DCN: variants seen among roughly 807,000 people sequenced by gnomAD.
DCN encodes bone proteoglycan II.
In DCN, 17 loss-of-function variants were observed where a neutral mutation model predicts 36.5. The observed-to-expected ratio is 0.47, with a 90% CI of 0.32 to 0.70. The LOEUF is 0.70. Ranked by LOEUF, DCN falls within the 30% of genes least tolerant of loss-of-function variation. The pLI, the probability that DCN is intolerant of heterozygous loss-of-function variation, is 0.04. For missense variants in DCN, 389 were observed against 430.1 expected, an observed-to-expected ratio of 0.90 and a Z score of 0.84; for synonymous variants, 163 against 161.4, an observed-to-expected ratio of 1.01 and a Z score of -0.07.
chr12:91,169,845 C>T (rs1236502456), intron 2 of DCN: 4 of 155,414 alleles, frequency 2.6e-5, no homozygotes, highest in African/African-American at 7.2e-5. Context: ...GGGTGGATCA[C>T]GAGATCAGGA....
Position 91,170,578 on chromosome 12 carries a change from C to T in DCN, c.212-5861G>A, listed in dbSNP as rs572210998. ...GAGTAATTAGACTCCTCAAAAACTG[C>T]TCCTGGTCAATTTAACCCTATTTTA... On this transcript the variant is annotated intron_variant, in intron 2 of 7. Transcript: ENST00000052754. Among the ~76,000 whole-genome samples, 5 of 152,274 alleles carry T rather than the reference C, an allele frequency of 3.3e-5. No homozygotes were observed. In the South Asian group the frequency reaches 1.0e-3, roughly 32 times the overall value.
chr12:91,149,515 C>G (rs1480143318), intron 7 of DCN, among the ~76,000 whole-genome samples: 1 of 152,174 alleles, frequency 6.6e-6, no homozygotes, highest in East Asian at 1.9e-4. Context: ...AATGAATGCT[C>G]CCTCCTCCTA....
intron 1 of DCN, among the ~76,000 whole-genome samples, chr12:91,178,786 G>A (rs1458833366): frequency 6.6e-6 from 1 of 152,106 alleles, no homozygotes; most frequent in African/African-American, 2.4e-5. Flanking sequence ...ATTTACTTAG[G>A]ATGAGAAATC....
intron 3 of DCN, among the ~76,000 whole-genome samples, chr12:91,162,798 A>G (rs1457550916): frequency 1.3e-5 from 2 of 152,224 alleles, no homozygotes; most frequent in Non-Finnish European, 2.9e-5. Context: ...GGATTCTGTC[A>G]TCTTGTAGTT....
rs1880756207 is a variant in DCN at position 91,141,564 on chromosome 12, A to G, written c.*4494T>C. ...TGCTTCAGAGGGCAAGGCATTATGCACTGCTGTGTCTCTGCCACTAGAACA... is the reference window on the plus strand; with the variant it reads ...TGCTTCAGAGGGCAAGGCATTATGCGCTGCTGTGTCTCTGCCACTAGAACA... On this transcript the variant is annotated 3_prime_UTR_variant, in exon 8 of 8. Coordinates refer to ENST00000052754, the MANE Select transcript of DCN (RefSeq NM_001920.5). 6.6e-6 allele frequency: 1 copy of G among 152,178 alleles called. No individual in the cohort carries two copies. Among genetic ancestry groups the G allele is most frequent in the South Asian group, 2.1e-4 (1 of 4,832 alleles). 9.4% of individuals were successfully genotyped at this position (152,178 alleles called of 1,614,324 possible).
intron 6 of DCN, among the ~76,000 whole-genome samples, chr12:91,152,607 G>A (rs557112584): frequency 6.6e-6 from 1 of 152,038 alleles, no homozygotes; most frequent in Non-Finnish European, 1.5e-5. Context: ...TACATTAAAT[G>A]CCCAGAGATA....
chr12:91,163,323 C>T (rs1318898325), intron 3 of DCN, among the ~76,000 whole-genome samples: 2 of 152,168 alleles, frequency 1.3e-5, no homozygotes, highest in Admixed American at 1.3e-4. Context: ...CATTCTTTGC[C>T]CTTTTTTGGC....
chr12:91,178,506 G>A lies in DCN; in HGVS notation c.47C>T (p.Ala16Val), dbSNP rs554860301. Residue 16 changes from alanine to valine, a missense_variant, in exon 2 of 8, where the codon GCT (alanine) becomes GTT (valine). By Grantham distance (64) the Ala-to-Val change is moderately conservative. Coordinates refer to ENST00000052754, the MANE Select transcript of DCN (RefSeq NM_001920.5). The part of the protein sequence containing the change: ...ILLLLAQVSW[A>V]GPFQQRGLFD... Reference sequence around the variant, plus strand: ...TAAGCCTCTCTGTTGAAACGGTCCAGCCCAGGAAACTTGTGCAAGCAGAAG... The same window carrying A: ...TAAGCCTCTCTGTTGAAACGGTCCAACCCAGGAAACTTGTGCAAGCAGAAG... The A allele has an allele frequency of 1.9e-6, 3 of 1,613,712 alleles. No homozygotes were observed. The South Asian group carries it at 3.3e-5, about 18-fold the overall frequency.
Position 91,178,391 on chromosome 12 carries a change from G to A in DCN, c.162C>T (p.Cys54=), listed in dbSNP as rs751949231. 6.8e-6 allele frequency: 11 copies of A among 1,613,990 alleles called. No individual in the cohort carries two copies. The highest frequency in any genetic ancestry group is 5.0e-5 in the Admixed American group (3 of 60,010). ...RDFEPSLGPV[C]PFRCQCHLRV... ...GAAGATGGCATTGACAGCGGAAGGG[G>A]CACACTGGGCCTAGGGAGGGCTCGA... The change falls in exon 2 of 8, where the codon TGC becomes TGT. Residue 54 remains cysteine, a synonymous_variant. Transcript: ENST00000052754.
intron 7 of DCN, among the ~76,000 whole-genome samples, chr12:91,149,255 C>T (rs1881250768): frequency 1.3e-5 from 2 of 152,132 alleles, no homozygotes; most frequent in Admixed American, 6.5e-5. Context: ...TAGGACCAAA[C>T]ATGATTTATC....
chr12:91,149,607 G>A (rs1387152102), intron 7 of DCN, among the ~76,000 whole-genome samples: 1 of 152,130 alleles, frequency 6.6e-6, no homozygotes, highest in Non-Finnish European at 1.5e-5. Flanking sequence ...TGCAAAGGGT[G>A]GGTTGTGGGG....
chr12:91,177,851 T>A, intron 2 of DCN: 2 of 571,588 alleles, frequency 3.5e-6, no homozygotes, highest in Non-Finnish European at 6.3e-6. Flanking sequence ...TGTCATAAAA[T>A]TTGATGTGTT....
intron 2 of DCN, among the ~76,000 whole-genome samples, chr12:91,173,984 G>T (rs3138182): frequency 6.6e-6 from 1 of 152,046 alleles, no homozygotes; most frequent in Non-Finnish European, 1.5e-5. Flanking sequence ...AACATTATTT[G>T]CATTATAAGG....
intron 5 of DCN, among the ~76,000 whole-genome samples, chr12:91,153,670 G>T (rs1056208953): frequency 6.6e-6 from 1 of 152,068 alleles, no homozygotes; most frequent in East Asian, 1.9e-4. Context: ...ATACTGTGCT[G>T]GTCTTAGCCT....
At chr12:91,152,533 T>A (rs927903553) in intron 6 of DCN, among the ~76,000 whole-genome samples, 2 of 151,920 alleles carry the variant, frequency 1.3e-5, no homozygotes, top group African/African-American at 4.8e-5. Flanking sequence ...TCACTTATTT[T>A]AAAAAAAATC....
At chr12:91,155,576 C>G (rs900898071) in intron 5 of DCN, among the ~76,000 whole-genome samples, 11 of 152,066 alleles carry the variant, frequency 7.2e-5, no homozygotes, top group African/African-American at 2.4e-4. Flanking sequence ...TGTAAGTCAT[C>G]TGGCTGCATG....
chr12:91,146,327 T>C (rs927666833), intron 7 of DCN, 75 bp from the exon 8 acceptor site: 4 of 812,680 alleles, frequency 4.9e-6, no homozygotes, highest in Non-Finnish European at 7.8e-6. Context: ...CATTTTATTT[T>C]TTTTATTATT....
In DCN at chr12:91,143,400, C is replaced by T. The variant is rs1210211372; in HGVS notation, c.*2658G>A. ...AGGAAACGAGAGGACTCTCTGCTGA[C>T]TTATTTCTCCAAGTGTGGACCAAGA... On this transcript the variant is annotated 3_prime_UTR_variant, in exon 8 of 8. Transcript: ENST00000052754. The T allele has an allele frequency of 1.3e-5, 2 of 152,166 alleles. No homozygotes were observed. The highest frequency in any genetic ancestry group is 2.1e-4 in the South Asian group (1 of 4,826). 9.4% of individuals were successfully genotyped at this position (152,166 alleles called of 1,614,324 possible).
intron 2 of DCN, among the ~76,000 whole-genome samples, chr12:91,169,114 T>C (rs1242671212): frequency 1.3e-5 from 2 of 152,232 alleles, no homozygotes; most frequent in African/African-American, 4.8e-5. Flanking sequence ...AGAGATGTTT[T>C]AGCTGGGTGC....
Sources: allele counts gnomAD v4.1 joint callset (sites outside exome capture counted in the v4.1 genomes callset), GRCh38; gene constraint gnomAD v4.1.1; transcripts MANE v1.5; gene names NCBI Gene and HGNC (gene_info 2026-07-23, HGNC 2026-07-21).